GAK: variants seen among roughly 807,000 people sequenced by gnomAD.
GAK encodes cyclin-G-associated kinase.
In GAK, 79 loss-of-function variants were observed where a neutral mutation model predicts 143.9. That is an observed-to-expected ratio of 0.55 (90% CI 0.46 to 0.66). GAK has a LOEUF of 0.66. Ranked by LOEUF, GAK falls within the 30% of genes least tolerant of loss-of-function variation. GAK has a pLI of 0.00. For synonymous variants in GAK, 881 were observed against 765.5 expected (o/e 1.15, Z -2.49); for missense variants, 1,693 against 1,779.7 (o/e 0.95, Z 0.88).
chr4:901,928 G>A (rs542132227), intron 5 of GAK, among the ~76,000 whole-genome samples: 33 of 152,356 alleles, frequency 2.2e-4, no homozygotes, highest in Non-Finnish European at 2.4e-4. Context: ...TGCGGATAAT[G>A]GTGTCAAAAC....
chr4:865,454 G>A (rs1457987646), intron 22 of GAK, among the ~76,000 whole-genome samples: 1 of 150,806 alleles, frequency 6.6e-6, no homozygotes, highest in African/African-American at 2.4e-5. Context: ...AGGGGCACCA[G>A]CAGGCGGAGC....
At chr4:873,802 G>A (rs1205051980) in intron 18 of GAK, among the ~76,000 whole-genome samples, 1 of 152,174 alleles carries the variant, frequency 6.6e-6, no homozygotes, top group Non-Finnish European at 1.5e-5. Context: ...TATGGCTCCT[G>A]TAAGCAGTAT....
At chr4:860,750 C>T (rs1434248686) in intron 23 of GAK, among the ~76,000 whole-genome samples, 2 of 150,064 alleles carry the variant, frequency 1.3e-5, no homozygotes, top group South Asian at 2.1e-4. Context: ...GCACTGTGCA[C>T]TCGAGGGGAC....
Position 865,207 on chromosome 4 carries a change from C to T in GAK, c.3081G>A (p.Ser1027=), listed in dbSNP as rs756059482. The T allele has an allele frequency of 2.1e-5, 34 of 1,613,122 alleles. No individual in the cohort carries two copies. The Middle Eastern group carries it at 5.0e-4, about 24-fold the overall frequency. The change falls in exon 23 of 28, where the codon TCG becomes TCA. Residue 1027 remains serine (S), a synonymous_variant. Coordinates refer to ENST00000314167, the MANE Select transcript of GAK (RefSeq NM_005255.4). ...LPGEPSKMTA[S]SSNPDLLGGW... is the part of the protein sequence containing the mutation. Reference sequence around the variant, plus strand: ...CTCCCAGCAGGTCTGGGTTGCTGGACGAGGCTGTCATCTTGCTGGGCTCTC... The same window carrying T: ...CTCCCAGCAGGTCTGGGTTGCTGGATGAGGCTGTCATCTTGCTGGGCTCTC...
At chr4:890,215 A>G (rs1047351162) in intron 10 of GAK, among the ~76,000 whole-genome samples, 5 of 151,488 alleles carry the variant, frequency 3.3e-5, no homozygotes, top group Non-Finnish European at 5.9e-5. Context: ...CTCCCACATA[A>G]CCCCTGAGCG....
intron 23 of GAK, among the ~76,000 whole-genome samples, chr4:864,840 C>T (rs549771128): frequency 6.6e-6 from 1 of 152,294 alleles, no homozygotes; most frequent in South Asian, 2.1e-4. Flanking sequence ...GACGCCCTGC[C>T]GGGTGGGAGG....
At chr4:922,865 G>C (rs1373296591) in intron 1 of GAK, among the ~76,000 whole-genome samples, 1 of 152,202 alleles carries the variant, frequency 6.6e-6, no homozygotes, top group Non-Finnish European at 1.5e-5. Context: ...TGTCACAGCA[G>C]CTTTATCTGT....
intron 4 of GAK, among the ~76,000 whole-genome samples, chr4:905,685 C>T (rs970668271): frequency 4.6e-5 from 7 of 151,726 alleles, no homozygotes; most frequent in Non-Finnish European, 7.4e-5. Flanking sequence ...ACATTACAGA[C>T]GCCACACCAC....
chr4:932,092 C>A lies in GAK; in HGVS notation c.96G>T (p.Thr32=), dbSNP rs1385173923. 6.2e-7 allele frequency: 1 copy of A among 1,603,382 alleles called. No homozygotes were observed. The highest frequency in any genetic ancestry group is 8.5e-7 in the Non-Finnish European group (1 of 1,176,050). The part of the protein sequence containing the change: ...GRDQSDFVGQ[T]VELGELRLRV... ...GCAGCCGCAGCTCGCCCAGTTCCAC[C>A]GTCTGCCCCACGAAGTCACTCTGGT... The change falls in exon 1 of 28, where the codon ACG becomes ACT. Residue 32 remains threonine, a synonymous_variant. Coordinates refer to ENST00000314167, the MANE Select transcript of GAK (RefSeq NM_005255.4). This position sits in a 1 kb window ranked among gnomAD's most constrained non-coding sequence, Gnocchi z 4.0.
intron 1 of GAK, among the ~76,000 whole-genome samples, chr4:925,143 T>C (rs1282631678): frequency 6.6e-6 from 1 of 152,122 alleles, no homozygotes; most frequent in African/African-American, 2.4e-5. Context: ...CAAATAAGCA[T>C]TACCAAACTC....
chr4:879,009 G>A (rs1379268302), intron 15 of GAK, among the ~76,000 whole-genome samples: 1 of 152,222 alleles, frequency 6.6e-6, no homozygotes, highest in African/African-American at 2.4e-5. Flanking sequence ...AACAGCCCGA[G>A]TGGCCAAGGA....
intron 24 of GAK, among the ~76,000 whole-genome samples, chr4:857,170 T>C (rs1000826913): frequency 5.3e-5 from 8 of 152,244 alleles, no homozygotes; most frequent in Non-Finnish European, 1.0e-4. Flanking sequence ...GAATAAATCT[T>C]ACTTGATCTT....
intron 1 of GAK, 108 bp downstream of exon 1, chr4:931,935 C>A (rs1725917267): frequency 1.7e-5 from 14 of 814,882 alleles, no homozygotes; most frequent in East Asian, 2.8e-5. Context: ...CCCGCTGGGA[C>A]CCTCCCCAGC....
At chr4:863,571 C>T (rs1750654443) in intron 23 of GAK, among the ~76,000 whole-genome samples, 1 of 152,204 alleles carries the variant, frequency 6.6e-6, no homozygotes, top group Non-Finnish European at 1.5e-5. Flanking sequence ...CCACAGCCAC[C>T]CCAGCCTTCA....
chr4:859,979 G>C (rs890098261), intron 23 of GAK, among the ~76,000 whole-genome samples: 8 of 152,160 alleles, frequency 5.3e-5, no homozygotes, highest in Non-Finnish European at 1.0e-4. Context: ...ATATCATTAT[G>C]ATTATGATTC....
Position 866,235 on chromosome 4 carries a change from G to A in GAK, c.3043+129C>T, listed in dbSNP as rs1322263891. On this transcript the variant is annotated intron_variant, in intron 22 of 27. Coordinates refer to ENST00000314167, the MANE Select transcript of GAK (RefSeq NM_005255.4). ...TCCTGCAGGATGCTTGGGCCGCAAG[G>A]AGCGCACCCGGAGGCCACACAGTCC... The A allele has an allele frequency of 6.6e-6, 6 of 907,218 alleles. No homozygotes were observed. The East Asian group carries it at 7.7e-5, about 12-fold the overall frequency. The allele number at this position is 907,218 out of a possible 1,614,324, so 56.2% of individuals were successfully genotyped here.
chr4:929,842 G>C (rs1441553531), intron 1 of GAK, among the ~76,000 whole-genome samples: 1 of 152,024 alleles, frequency 6.6e-6, no homozygotes, highest in Non-Finnish European at 1.5e-5. Flanking sequence ...AGCAAATCCT[G>C]GTCTATCATA....
chr4:867,355 C>G lies in GAK; in HGVS notation c.2473G>C (p.Glu825Gln), dbSNP rs149152501. ...SESALMEDRDESEVSDEGGSP... is the reference protein window; with the variant it reads ...SESALMEDRDQSEVSDEGGSP... ...CCCCCTTCATCTGACACCTCACTCTCGTCTCTGTCCTCCATCAGGGCAGAC... is the reference window on the plus strand; with the variant it reads ...CCCCCTTCATCTGACACCTCACTCTGGTCTCTGTCCTCCATCAGGGCAGAC... Residue 825 changes from glutamate (E) to glutamine (Q), a missense_variant, in exon 21 of 28, where the codon GAG (glutamate) becomes CAG (glutamine). Glu to Gln is a conservative substitution (Grantham distance 29, BLOSUM62 2). Coordinates refer to ENST00000314167, the MANE Select transcript of GAK (RefSeq NM_005255.4). 4.4e-6 allele frequency: 7 copies of G among 1,601,518 alleles called. No homozygotes were observed. Among genetic ancestry groups the G allele is most frequent in the Non-Finnish European group, 6.0e-6 (7 of 1,171,688 alleles).
At chr4:865,750 A>AC (rs1751058202) in intron 22 of GAK, among the ~76,000 whole-genome samples, 1 of 152,218 alleles carries the variant, frequency 6.6e-6, no homozygotes, top group African/African-American at 2.4e-5. Context: ...TGCAATGGTC[A>AC]CCATCATCAC....
Sources: gnomAD v4.1 joint callset for allele counts (sites outside exome capture counted in the v4.1 genomes callset) on GRCh38, gnomAD v4.1.1 for gene constraint, Gnocchi (gnomAD v3.1) non-coding constraint, MANE v1.5 for transcripts, NCBI Gene and HGNC (gene_info 2026-07-23, HGNC 2026-07-21) for gene names.